Variants in CHIC2 observed in about 807,000 individuals in gnomAD.
CHIC2 encodes cysteine-rich hydrophobic domain-containing protein 2.
A neutral mutation model predicts 25.9 loss-of-function variants in CHIC2; 14 were observed. The observed-to-expected ratio is 0.54, with a 90% confidence interval of 0.36 to 0.85. The LOEUF is 0.85. CHIC2 is among the 40% of genes least tolerant of loss of function. The pLI, the probability that CHIC2 is intolerant of heterozygous loss-of-function variation, is 0.01. For missense variants in CHIC2, 146 were observed against 202.0 expected (o/e 0.72, Z 1.68); for synonymous variants, 70 against 72.0 (o/e 0.97, Z 0.14).
At chr4:54,025,363 C>T (rs933505536) in intron 3 of CHIC2, among the ~76,000 whole-genome samples, 16 of 152,114 alleles carry the variant, frequency 1.1e-4, no homozygotes, top group East Asian at 1.9e-4. Flanking sequence ...GATCCACCCC[C>T]GCCCACAAAA....
chr4:54,075,664 G>A, the CHIC2 span, among the ~76,000 whole-genome samples: 57 of 152,076 alleles, frequency 3.7e-4, no homozygotes, highest in African/African-American at 1.1e-3. Context: ...AGCAATTCTC[G>A]TGCCTCAGCC....
intron 5 of CHIC2, among the ~76,000 whole-genome samples, chr4:54,011,679 T>C (rs1715593707): frequency 6.6e-6 from 1 of 152,042 alleles, no homozygotes; most frequent in Admixed American, 6.6e-5. Context: ...TATCTTTGCC[T>C]ACATTTGAAC....
chr4:54,032,774 T>C (rs1480949100), intron 3 of CHIC2, among the ~76,000 whole-genome samples: 1 of 152,234 alleles, frequency 6.6e-6, no homozygotes, highest in African/African-American at 2.4e-5. Flanking sequence ...TATTATTTTA[T>C]GATCTCACAC....
chr4:54,065,237 T>TA (rs1055913764), upstream of CHIC2: 73 of 628,466 alleles, frequency 1.2e-4, no homozygotes, highest in African/African-American at 1.4e-3. Flanking sequence ...GCGATGCTGG[T>TA]ATTTTTTTTT....
At chr4:54,079,576 A>G in the CHIC2 span, among the ~76,000 whole-genome samples, 6 of 152,312 alleles carry the variant, frequency 3.9e-5, no homozygotes, top group African/African-American at 1.4e-4. Context: ...ATAGTGAAAG[A>G]CAAAAAACCT....
intron 3 of CHIC2, among the ~76,000 whole-genome samples, chr4:54,040,159 CA>C (rs780478942): frequency 1.3e-5 from 2 of 151,938 alleles, no homozygotes; most frequent in Non-Finnish European, 2.9e-5. Flanking sequence ...ATGCGTTTAT[CA>C]AAAATCACAG....
At chr4:54,022,348 G>A (rs1323438816) in intron 3 of CHIC2, among the ~76,000 whole-genome samples, 1 of 152,024 alleles carries the variant, frequency 6.6e-6, no homozygotes, top group Non-Finnish European at 1.5e-5. Flanking sequence ...TCTTACAGTG[G>A]AGGGTAAGTC....
chr4:54,086,811 T>C, the CHIC2 span: 6 of 374,426 alleles, frequency 1.6e-5, no homozygotes, highest in Non-Finnish European at 2.4e-5. Flanking sequence ...TCTTGGATTG[T>C]ATCTCCCACT....
intron 3 of CHIC2, among the ~76,000 whole-genome samples, chr4:54,030,555 TACAC>T (rs201490639): frequency 7.2e-4 from 66 of 92,198 alleles, no homozygotes; most frequent in African/African-American, 2.0e-3. Flanking sequence ...TATATATGTA[TACAC>T]ACACACACAC....
chr4:54,012,570 G>GTAAATATTT (rs1347791843), intron 5 of CHIC2, among the ~76,000 whole-genome samples: 3 of 151,996 alleles, frequency 2.0e-5, no homozygotes, highest in African/African-American at 7.2e-5. Flanking sequence ...TATAAATGTA[G>GTAAATATTT]TAAATATTTT....
At chr4:54,084,052 G>T in the CHIC2 span, among the ~76,000 whole-genome samples, 1 of 152,150 alleles carries the variant, frequency 6.6e-6, no homozygotes, top group Admixed American at 6.5e-5. Context: ...CTCAGTCTCA[G>T]AGTCCATGAT....
At chr4:54,053,679 A>G (rs1295325311) in intron 1 of CHIC2, among the ~76,000 whole-genome samples, 1 of 152,070 alleles carries the variant, frequency 6.6e-6, no homozygotes, top group Non-Finnish European at 1.5e-5. Context: ...AGTATTCTGC[A>G]GTGTTATTTT....
At chr4:54,072,301 CAA>C in the CHIC2 span, among the ~76,000 whole-genome samples, 1,333 of 130,820 alleles carry the variant, frequency 0.01, 13 homozygotes, top group African/African-American at 0.035. Context: ...GACTCCATCT[CAA>C]AAAAAAAAAA....
At chr4:54,057,456 G>C (rs192577599) in intron 1 of CHIC2, among the ~76,000 whole-genome samples, 2 of 152,266 alleles carry the variant, frequency 1.3e-5, no homozygotes, top group East Asian at 1.9e-4. Context: ...GGCACCTGCT[G>C]TTCTCCAGAT....
At chr4:54,087,742 G>A in the CHIC2 span, 2 of 505,426 alleles carry the variant, frequency 4.0e-6, no homozygotes, top group Non-Finnish European at 7.1e-6. Flanking sequence ...TACTGGCGGT[G>A]ATTACAAAGT....
In CHIC2 at chr4:54,040,484, T is replaced by G. The variant is rs993201465; in HGVS notation, c.330+8471A>C. ...GGGAGGCCGAAGCGGGCAGATCACC[T>G]GAGGTCAGGAGTTCAAGACCAGCCT... On this transcript the variant is annotated intron_variant, in intron 3 of 5. Coordinates refer to ENST00000263921, the MANE Select transcript of CHIC2 (RefSeq NM_012110.4). Among the ~76,000 whole-genome samples, 3 of 151,398 alleles carry G rather than the reference T, an allele frequency of 2.0e-5. No homozygotes were observed. In the East Asian group the frequency reaches 5.8e-4, roughly 29 times the overall value.
Position 54,064,403 on chromosome 4 carries a change from G to C in CHIC2, c.-103C>G. On this transcript the variant is annotated 5_prime_UTR_variant, in exon 1 of 6. Transcript: ENST00000263921. This position sits in a 1 kb window ranked among gnomAD's most constrained non-coding sequence, Gnocchi z 4.2. ...GAGGCTGAGGGGAGTCGCCGCTGCC[G>C]CCGGCTCCGAGGCCGCGGAGTTCGC... 1 of 1,545,616 alleles carries C rather than the reference G, an allele frequency of 6.5e-7. No individual in the cohort carries two copies. The highest frequency in any genetic ancestry group is 8.7e-7 in the Non-Finnish European group (1 of 1,148,170).
At chr4:54,050,449 T>G (rs1364603250) in intron 1 of CHIC2, among the ~76,000 whole-genome samples, 1 of 152,120 alleles carries the variant, frequency 6.6e-6, no homozygotes, top group Non-Finnish European at 1.5e-5. Flanking sequence ...AGTTTATCTT[T>G]CCTGATAGAC....
rs1717428246 is a variant in CHIC2, at chr4:54,064,156, CG to C, written c.119+25del. On this transcript the variant is annotated intron_variant, in intron 1 of 5. Coordinates refer to ENST00000263921, the MANE Select transcript of CHIC2 (RefSeq NM_012110.4). This position sits in a 1 kb window ranked among gnomAD's most constrained non-coding sequence, Gnocchi z 4.2. ...GGGGCCCACCCCAGCCCGCACCTCC[CG>C]CCCTCGCCCTCCTCCGGGCCTTACA... is the stretch of plus-strand genomic sequence containing the variant. 1 of 1,580,764 alleles carries C rather than the reference CG, an allele frequency of 6.3e-7. No homozygotes were observed.
Sources: allele counts gnomAD v4.1 joint callset (sites outside exome capture counted in the v4.1 genomes callset), GRCh38; gene constraint gnomAD v4.1.1; non-coding constraint Gnocchi (gnomAD v3.1); transcripts MANE v1.5; gene names NCBI Gene and HGNC (gene_info 2026-07-23, HGNC 2026-07-21).